The following CAMK2A variants were observed in gnomAD, a reference collection of about 807,000 sequenced individuals.
CAMK2A encodes the protein calcium/calmodulin dependent protein kinase II alpha.
A neutral mutation model predicts 79.2 loss-of-function variants in CAMK2A; 7 were observed. The ratio of observed to expected loss-of-function variants is 0.09; its 90% CI spans 0.05 to 0.17. CAMK2A has a LOEUF of 0.17. Ranked by LOEUF, CAMK2A falls within the 10% of genes least tolerant of loss-of-function variation. The pLI is 1.00. For synonymous variants in CAMK2A, 242 were observed against 251.7 expected, an observed-to-expected ratio of 0.96 and a Z score of 0.36; for missense variants, 214 against 646.4, an observed-to-expected ratio of 0.33 and a Z score of 7.25.
At chr5:150,238,612 G>T in intron 15 of CAMK2A, 88 bp downstream of exon 15, 1 of 1,241,696 alleles carries the variant, frequency 8.1e-7, no homozygotes, top group Non-Finnish European at 1.2e-6. Context: ...AAATGAGGTT[G>T]GCACGTGGGA....
At chr5:150,249,554 T>G (rs74530280) in intron 11 of CAMK2A, among the ~76,000 whole-genome samples, 1 of 30,014 alleles carries the variant, frequency 3.3e-5, no homozygotes, top group African/African-American at 5.7e-4. Context: ...CTTTTTTTTG[T>G]TTTTTTTTTT....
At chr5:150,276,366 C>T (rs1756945255) in intron 1 of CAMK2A, among the ~76,000 whole-genome samples, 1 of 152,116 alleles carries the variant, frequency 6.6e-6, no homozygotes, top group Non-Finnish European at 1.5e-5. Context: ...CGTCTAGTGC[C>T]AATAGAGCCT....
At chr5:150,232,278 T>C in intron 15 of CAMK2A, among the ~76,000 whole-genome samples, 1 of 152,260 alleles carries the variant, frequency 6.6e-6, no homozygotes, top group East Asian at 1.9e-4. Flanking sequence ...GATAGTGTTC[T>C]CCGAGGGTTG....
At chr5:150,275,660 T>C (rs1400105379) in intron 1 of CAMK2A, among the ~76,000 whole-genome samples, 1 of 152,190 alleles carries the variant, frequency 6.6e-6, no homozygotes, top group Non-Finnish European at 1.5e-5. Flanking sequence ...CATTTACCAG[T>C]TGTGCATGTG....
chr5:150,288,892 ACCCTTCATACCCTAGC>A (rs1230019915), intron 1 of CAMK2A, among the ~76,000 whole-genome samples: 1 of 152,088 alleles, frequency 6.6e-6, no homozygotes, highest in Non-Finnish European at 1.5e-5. Context: ...GAGCCACTGC[ACCCTTCATACCCTAGC>A]CCCTGAAACA....
intron 1 of CAMK2A, among the ~76,000 whole-genome samples, chr5:150,281,627 AG>A (rs1220714418): frequency 2.0e-5 from 3 of 152,202 alleles, no homozygotes; most frequent in Admixed American, 1.3e-4. Flanking sequence ...CTCAGGTTAG[AG>A]GGGGTCCGAC....
At chr5:150,263,779 T>C (rs987004424) in intron 3 of CAMK2A, among the ~76,000 whole-genome samples, 1 of 151,876 alleles carries the variant, frequency 6.6e-6, no homozygotes, top group African/African-American at 2.4e-5. Flanking sequence ...AGCTGGGGGG[T>C]TGGGGGCCCA....
chr5:150,249,751 T>C (rs955347580), intron 11 of CAMK2A, among the ~76,000 whole-genome samples: 4 of 152,166 alleles, frequency 2.6e-5, no homozygotes, highest in African/African-American at 4.8e-5. Flanking sequence ...TTTCACCTCA[T>C]TGGCCAGGCT....
At chr5:150,272,691 C>T (rs1465032863) in intron 2 of CAMK2A, among the ~76,000 whole-genome samples, 2 of 151,692 alleles carry the variant, frequency 1.3e-5, no homozygotes, top group African/African-American at 4.8e-5. Context: ...GGCTGAGAAA[C>T]AGCCATTCAT....
At chr5:150,243,725 G>T (rs1247572228) in intron 13 of CAMK2A, among the ~76,000 whole-genome samples, 3 of 152,168 alleles carry the variant, frequency 2.0e-5, no homozygotes. Flanking sequence ...CTCTCAGGGC[G>T]CATTGTATTA....
chr5:150,286,886 C>T (rs2150313512), intron 1 of CAMK2A, among the ~76,000 whole-genome samples: 1 of 152,372 alleles, frequency 6.6e-6, no homozygotes, highest in African/African-American at 2.4e-5. Context: ...TAGCAATCGG[C>T]CCTGGGGGCC....
chr5:150,282,221 C>T (rs1757245689), intron 1 of CAMK2A, among the ~76,000 whole-genome samples: 1 of 152,154 alleles, frequency 6.6e-6, no homozygotes, highest in Admixed American at 6.5e-5. Flanking sequence ...GCCCCCCGCC[C>T]CCAAACACCA....
chr5:150,224,651 G>C (rs1007310956), intron 17 of CAMK2A, among the ~76,000 whole-genome samples: 5 of 152,054 alleles, frequency 3.3e-5, no homozygotes, highest in African/African-American at 1.2e-4. Flanking sequence ...GGGTTTCAGC[G>C]TCATAGACTT....
chr5:150,236,805 CT>C (rs1329770750), intron 15 of CAMK2A, among the ~76,000 whole-genome samples: 1 of 152,196 alleles, frequency 6.6e-6, no homozygotes, highest in Non-Finnish European at 1.5e-5. Flanking sequence ...GAACACTGGA[CT>C]TTTGTGAAAC....
In CAMK2A at chr5:150,221,624, A is replaced by T; in HGVS notation, c.*1086T>A. On this transcript the variant is annotated 3_prime_UTR_variant, in exon 19 of 19. Coordinates refer to ENST00000671881, the MANE Select transcript of CAMK2A (RefSeq NM_015981.4). ...CAGTGCTGGCATCTGATGCTTCCAC[A>T]GTCCCAAAAGGAACGCCTGTGTCAG... 1 of 398,624 alleles carries T rather than the reference A, an allele frequency of 2.5e-6. No individual in the cohort carries two copies. The highest frequency in any genetic ancestry group is 4.4e-6 in the Non-Finnish European group (1 of 226,032). The allele number at this position is 398,624 out of a possible 1,614,324, so 24.7% of individuals were successfully genotyped here.
chr5:150,273,795 C>G (rs1305165316), intron 1 of CAMK2A, among the ~76,000 whole-genome samples: 1 of 152,190 alleles, frequency 6.6e-6, no homozygotes, highest in African/African-American at 2.4e-5. Context: ...CTGTCCGATC[C>G]TTTATTCAGC....
At chr5:150,260,010 C>CA (rs1409368911) in intron 3 of CAMK2A, among the ~76,000 whole-genome samples, 1 of 152,020 alleles carries the variant, frequency 6.6e-6, no homozygotes, top group African/African-American at 2.4e-5. Context: ...TTCAAACATA[C>CA]AGTTAAGTGA....
In CAMK2A at chr5:150,256,908, T is replaced by C; in HGVS notation, c.273-77A>G. The stretch of plus-strand genomic sequence containing the variant: ...TCATCTGGAGGAGTCTCCAGGAAAC[T>C]AAGGATGGGGCCCAGGGACCTCAGG... On this transcript the variant is annotated intron_variant, in intron 4 of 18. Coordinates refer to ENST00000671881, the MANE Select transcript of CAMK2A (RefSeq NM_015981.4). The surrounding 1 kb of genome is among the most constrained non-coding windows in gnomAD (Gnocchi z 4.6). The C allele has an allele frequency of 7.7e-7, 1 of 1,305,300 alleles. No homozygotes were observed. The highest frequency in any genetic ancestry group is 2.0e-5 in the Admixed American group (1 of 49,704). The allele number at this position is 1,305,300 out of a possible 1,614,324, so 80.9% of individuals were successfully genotyped here.
At chr5:150,251,883 G>T in intron 8 of CAMK2A, 39 bp from the exon 9 acceptor site, 1 of 1,556,992 alleles carries the variant, frequency 6.4e-7, no homozygotes, top group Non-Finnish European at 8.8e-7. Context: ...CCCCTGTGGG[G>T]AGGAGACATG....
Sources: gnomAD v4.1 joint callset for allele counts (sites outside exome capture counted in the v4.1 genomes callset) on GRCh38, gnomAD v4.1.1 for gene constraint, Gnocchi (gnomAD v3.1) non-coding constraint, MANE v1.5 for transcripts, NCBI Gene and HGNC (gene_info 2026-07-23, HGNC 2026-07-21) for gene names.